Variants in PXDNL observed in about 807,000 individuals in gnomAD.
PXDNL encodes peroxidasin like.
A neutral mutation model predicts 150.8 loss-of-function variants in PXDNL; 145 were observed. That is an observed-to-expected ratio of 0.96 (90% CI 0.84 to 1.10). The LOEUF (loss-of-function observed/expected upper bound fraction) is 1.10, where lower values mean the gene tolerates loss of function less well. Among genes scored for constraint, PXDNL ranks in the 50% least tolerant of loss-of-function variants. The pLI is 0.00. For missense variants in PXDNL, 2,087 were observed against 1,873.9 expected (o/e 1.11, Z -2.10); for synonymous variants, 757 against 725.7 (o/e 1.04, Z -0.69).
At chr8:51,608,854 A>AAG (rs1813936101) in intron 2 of PXDNL, among the ~76,000 whole-genome samples, 5 of 151,362 alleles carry the variant, frequency 3.3e-5, no homozygotes, top group Non-Finnish European at 7.4e-5. Flanking sequence ...AAAAAAAAAA[A>AAG]AAAAAGAAAG....
intron 1 of PXDNL, among the ~76,000 whole-genome samples, chr8:51,661,971 A>G (rs1426187491): frequency 2.0e-5 from 3 of 152,120 alleles, no homozygotes; most frequent in Admixed American, 2.0e-4. Context: ...CAACTTTGTA[A>G]AAGTTCTTCT....
At chr8:51,461,693 G>A (rs960871219) in intron 8 of PXDNL, among the ~76,000 whole-genome samples, 13 of 152,288 alleles carry the variant, frequency 8.5e-5, no homozygotes, top group Middle Eastern at 3.4e-3. Context: ...CCTTTGGCTC[G>A]GGTTTCCCCT....
chr8:51,347,885 A>G (rs771894693), intron 19 of PXDNL, among the ~76,000 whole-genome samples: 3 of 152,062 alleles, frequency 2.0e-5, no homozygotes, highest in Non-Finnish European at 4.4e-5. Context: ...TAACGCATAA[A>G]TATTTGCAGC....
chr8:51,497,022 T>C (rs376679466), intron 5 of PXDNL, among the ~76,000 whole-genome samples: 1 of 152,194 alleles, frequency 6.6e-6, no homozygotes, highest in African/African-American at 2.4e-5. Context: ...TCACCCTACC[T>C]GACTTCAAAC....
chr8:51,389,954 T>C (rs1226808038), intron 17 of PXDNL, among the ~76,000 whole-genome samples: 1 of 152,140 alleles, frequency 6.6e-6, no homozygotes, highest in Non-Finnish European at 1.5e-5. Context: ...TAATATTATA[T>C]ATAGCACAAA....
chr8:51,761,013 A>T (rs1397450579), intron 1 of PXDNL, among the ~76,000 whole-genome samples: 4 of 145,136 alleles, frequency 2.8e-5, no homozygotes, highest in Non-Finnish European at 6.0e-5. Context: ...CGCCCGCCAC[A>T]ACGCCCGGCT....
At chr8:51,536,250 A>G (rs1235609004) in intron 4 of PXDNL, among the ~76,000 whole-genome samples, 1 of 152,250 alleles carries the variant, frequency 6.6e-6, no homozygotes, top group Non-Finnish European at 1.5e-5. Flanking sequence ...AGCTGACACC[A>G]AGGACACAGG....
chr8:51,446,102 G>A (rs1380058090), intron 12 of PXDNL, among the ~76,000 whole-genome samples: 1 of 152,150 alleles, frequency 6.6e-6, no homozygotes, highest in African/African-American at 2.4e-5. Flanking sequence ...CAGACCATAT[G>A]TAGACAGTAG....
chr8:51,512,704 T>C (rs907491232), intron 4 of PXDNL, among the ~76,000 whole-genome samples: 5 of 152,210 alleles, frequency 3.3e-5, no homozygotes, highest in African/African-American at 4.8e-5. Context: ...ACAAAAGCAC[T>C]ATGACCTCGC....
chr8:51,646,278 C>A (rs1814917524), intron 2 of PXDNL, among the ~76,000 whole-genome samples: 1 of 152,050 alleles, frequency 6.6e-6, no homozygotes, highest in Non-Finnish European at 1.5e-5. Flanking sequence ...ATTTACACAC[C>A]AAGGAGAGAA....
intron 20 of PXDNL, among the ~76,000 whole-genome samples, chr8:51,342,084 C>T (rs1288386058): frequency 6.6e-6 from 1 of 152,072 alleles, no homozygotes; most frequent in Non-Finnish European, 1.5e-5. Context: ...ATGAACAATA[C>T]TGTATTGTAC....
At chr8:51,633,792 T>C (rs888028811) in intron 2 of PXDNL, among the ~76,000 whole-genome samples, 1 of 152,196 alleles carries the variant, frequency 6.6e-6, no homozygotes, top group Non-Finnish European at 1.5e-5. Flanking sequence ...CTTTGAGAAG[T>C]GTCTGTTCAT....
intron 12 of PXDNL, among the ~76,000 whole-genome samples, chr8:51,433,548 CTTTG>C (rs1371262050): frequency 6.6e-6 from 1 of 152,038 alleles, no homozygotes; most frequent in African/African-American, 2.4e-5. Context: ...ATCTGCAAAA[CTTTG>C]TTTAAGACTG....
At chr8:51,784,575 C>T (rs1174473290) in intron 1 of PXDNL, among the ~76,000 whole-genome samples, 1 of 152,160 alleles carries the variant, frequency 6.6e-6, no homozygotes, top group Non-Finnish European at 1.5e-5. Context: ...TCATTATAGT[C>T]AATCTCAGCA....
At chr8:51,744,098 G>C (rs1482904782) in intron 1 of PXDNL, among the ~76,000 whole-genome samples, 1 of 122,694 alleles carries the variant, frequency 8.2e-6, no homozygotes, top group Admixed American at 8.5e-5. Flanking sequence ...AGGAAGGAAA[G>C]AAAGAAAGAA....
chr8:51,583,684 G>C (rs1470838019), intron 3 of PXDNL, among the ~76,000 whole-genome samples: 2 of 152,132 alleles, frequency 1.3e-5, no homozygotes, highest in African/African-American at 4.8e-5. Flanking sequence ...GCCTAGTATA[G>C]TACTTCCATG....
intron 1 of PXDNL, among the ~76,000 whole-genome samples, chr8:51,791,171 C>T (rs1221832817): frequency 6.6e-6 from 1 of 152,144 alleles, no homozygotes; most frequent in Non-Finnish European, 1.5e-5. Flanking sequence ...GATCCAGGGT[C>T]CTAAATACTG....
chr8:51,398,318 T>C (rs966017152), intron 17 of PXDNL, among the ~76,000 whole-genome samples: 1 of 152,026 alleles, frequency 6.6e-6, no homozygotes. Flanking sequence ...TGGGAACAGG[T>C]GGCGGGACCT....
At chr8:51,489,842 CT>C (rs1810849505) in intron 5 of PXDNL, among the ~76,000 whole-genome samples, 1 of 152,108 alleles carries the variant, frequency 6.6e-6, no homozygotes, top group African/African-American at 2.4e-5. Flanking sequence ...TCCCTTAAGC[CT>C]TTTCATAGCA....
Sources: gnomAD v4.1 joint callset for allele counts (sites outside exome capture counted in the v4.1 genomes callset) on GRCh38, gnomAD v4.1.1 for gene constraint, MANE v1.5 for transcripts, NCBI Gene and HGNC (gene_info 2026-07-23, HGNC 2026-07-21) for gene names.